The following DNM3 variants were observed in gnomAD, a reference collection of about 807,000 sequenced individuals.
The protein encoded by DNM3 is dynamin 3, also known as dynamin-3.
A neutral mutation model predicts 101.6 loss-of-function variants in DNM3; 47 were observed. The observed-to-expected ratio is 0.46, with a 90% CI of 0.37 to 0.59. The LOEUF (loss-of-function observed/expected upper bound fraction) is 0.59. DNM3 is among the 20% of genes least tolerant of loss of function. DNM3 has a pLI of 0.00. For missense variants in DNM3, 849 were observed against 1,085.7 expected (o/e 0.78, Z 3.06); for synonymous variants, 385 against 387.9 (o/e 0.99, Z 0.09).
chr1:172,062,928 A>G (rs2051357783), intron 10 of DNM3, among the ~76,000 whole-genome samples: 1 of 152,222 alleles, frequency 6.6e-6, no homozygotes, highest in Non-Finnish European at 1.5e-5. Context: ...ACTATGCTAT[A>G]TAAAAACAAA....
At chr1:172,373,571 TGCAGCCATAG>T (rs2068456577) in intron 17 of DNM3, among the ~76,000 whole-genome samples, 1 of 152,140 alleles carries the variant, frequency 6.6e-6, no homozygotes, top group African/African-American at 2.4e-5. Flanking sequence ...TTATTATAAA[TGCAGCCATAG>T]TTGTTGATCT....
intron 10 of DNM3, among the ~76,000 whole-genome samples, chr1:172,058,852 G>T (rs909234557): frequency 1.0e-4 from 15 of 147,070 alleles, no homozygotes; most frequent in African/African-American, 3.6e-4. Flanking sequence ...AATCATAGCA[G>T]AACTGAAGGA....
chr1:172,205,815 C>T (rs1175963246), intron 14 of DNM3, among the ~76,000 whole-genome samples: 1 of 152,074 alleles, frequency 6.6e-6, no homozygotes, highest in Non-Finnish European at 1.5e-5. Context: ...TTTAATACTA[C>T]ACCAAAACTC....
At chr1:172,129,846 CT>C (rs1018847001) in intron 13 of DNM3, among the ~76,000 whole-genome samples, 4 of 152,112 alleles carry the variant, frequency 2.6e-5, no homozygotes, top group Admixed American at 2.6e-4. Context: ...GAGTATTAGT[CT>C]GTTCTTTGTG....
chr1:171,942,421 A>G (rs2041880533), intron 2 of DNM3, among the ~76,000 whole-genome samples: 1 of 152,104 alleles, frequency 6.6e-6, no homozygotes, highest in Non-Finnish European at 1.5e-5. Context: ...AAACTAATAC[A>G]TGTATTTAAA....
chr1:172,283,463 T>C (rs910075479), intron 15 of DNM3, among the ~76,000 whole-genome samples: 2 of 152,034 alleles, frequency 1.3e-5, no homozygotes, highest in African/African-American at 4.8e-5. Flanking sequence ...TATTCATTCC[T>C]ATAGAAAACC....
At chr1:171,970,067 G>A (rs944144018) in intron 2 of DNM3, 14 of 181,886 alleles carry the variant, frequency 7.7e-5, no homozygotes, top group Admixed American at 2.0e-4. Context: ...AAGTTTTGGC[G>A]GAAACAGATA....
intron 20 of DNM3, among the ~76,000 whole-genome samples, chr1:172,405,938 T>A (rs2070851656): frequency 6.6e-6 from 1 of 151,900 alleles, no homozygotes; most frequent in Non-Finnish European, 1.5e-5. Flanking sequence ...TATCCTTGTA[T>A]TTATAAGACC....
intron 16 of DNM3, chr1:172,309,475 A>C (rs2064989003): frequency 6.6e-6 from 1 of 152,230 alleles, no homozygotes; most frequent in Non-Finnish European, 1.5e-5. Context: ...GACTAGTCTA[A>C]ATTTAAACAG....
At chr1:172,089,167 ATG>A (rs1046844042) in intron 12 of DNM3, among the ~76,000 whole-genome samples, 31 of 141,476 alleles carry the variant, frequency 2.2e-4, no homozygotes, top group African/African-American at 2.3e-4. Flanking sequence ...ACATCCTCAC[ATG>A]TTTATTAATA....
chr1:172,064,893 T>A (rs2051532335), intron 10 of DNM3, among the ~76,000 whole-genome samples: 1 of 152,238 alleles, frequency 6.6e-6, no homozygotes, highest in Non-Finnish European at 1.5e-5. Flanking sequence ...TCTCTGTTTC[T>A]TTTGTTCCAC....
At chr1:172,221,707 C>T (rs557985017) in intron 14 of DNM3, among the ~76,000 whole-genome samples, 2 of 152,094 alleles carry the variant, frequency 1.3e-5, no homozygotes, top group Non-Finnish European at 2.9e-5. Flanking sequence ...TTCCTTCTTT[C>T]CTATTTAAAA....
intron 14 of DNM3, among the ~76,000 whole-genome samples, chr1:172,169,607 A>G (rs2058875529): frequency 6.6e-6 from 1 of 151,970 alleles, no homozygotes; most frequent in Non-Finnish European, 1.5e-5. Flanking sequence ...TTTGGCTTAT[A>G]TTAACTAGAA....
At position 171,956,043 on chromosome 1, in the gene DNM3, TG is replaced by T. The variant is rs563637059; in HGVS notation, c.236-31610del. On this transcript the variant is annotated intron_variant, in intron 2 of 20. Transcript: ENST00000627582. ...TCCCTCCCATGACATGTGGGAGTTG[TG>T]GGAGCTACAATTCAAGATGAGATTT... Among the ~76,000 whole-genome samples, 21 of 152,296 alleles carry T rather than the reference TG, an allele frequency of 1.4e-4. 1 individual carries two copies. In the South Asian group the frequency reaches 4.4e-3, roughly 32 times the overall value.
chr1:171,952,713 A>G (rs2042607006), intron 2 of DNM3, among the ~76,000 whole-genome samples: 1 of 152,214 alleles, frequency 6.6e-6, no homozygotes, highest in Non-Finnish European at 1.5e-5. Context: ...ATAAATGGAA[A>G]GACTAGTACA....
chr1:171,897,150 C>T (rs1160085911), intron 1 of DNM3, among the ~76,000 whole-genome samples: 1 of 152,154 alleles, frequency 6.6e-6, no homozygotes, highest in Admixed American at 6.5e-5. Context: ...CAGCCACCTT[C>T]TGGGTAGCTA....
intron 1 of DNM3, among the ~76,000 whole-genome samples, chr1:171,903,883 C>G (rs925839610): frequency 3.9e-5 from 6 of 152,180 alleles, no homozygotes; most frequent in African/African-American, 1.4e-4. Context: ...CCAAGATAAT[C>G]ACAGAGCTAG....
intron 4 of DNM3, among the ~76,000 whole-genome samples, chr1:172,020,721 CAAAAAAAAAAA>C (rs3051630): frequency 6.0e-5 from 4 of 66,334 alleles, no homozygotes; most frequent in African/African-American, 1.3e-4. Context: ...GAGACTCCGT[CAAAAAAAAAAA>C]AAAAAAAAAA....
In DNM3 at chr1:172,127,697, C is replaced by T. The variant is rs185718980; in HGVS notation, c.1546-3478C>T. Reference sequence around the variant, plus strand: ...GTGCTAGGATTACAGGTGTCAGCACCGTGCTCGGCCCTCTCTACTAATTAT... The same window carrying T: ...GTGCTAGGATTACAGGTGTCAGCACTGTGCTCGGCCCTCTCTACTAATTAT... On this transcript the variant is annotated intron_variant, in intron 13 of 20. Coordinates refer to ENST00000627582, the MANE Select transcript of DNM3 (RefSeq NM_015569.5). Among the ~76,000 whole-genome samples, 13 of 152,122 alleles carry T rather than the reference C, an allele frequency of 8.5e-5. No individual in the cohort carries two copies. The East Asian group carries it at 9.6e-4, about 11-fold the overall frequency.
Sources: gnomAD v4.1 joint callset for allele counts (sites outside exome capture counted in the v4.1 genomes callset) on GRCh38, gnomAD v4.1.1 for gene constraint, MANE v1.5 for transcripts, NCBI Gene and HGNC (gene_info 2026-07-23, HGNC 2026-07-21) for gene names.